Variants in EPC1 observed in about 807,000 individuals in gnomAD.
EPC1 encodes enhancer of polycomb 1, also known as enhancer of polycomb homolog 1.
EPC1 carries 12 observed loss-of-function variants against 98.4 expected under a neutral mutation model. The ratio of observed to expected loss-of-function variants is 0.12; its 90% confidence interval spans 0.08 to 0.20. EPC1 has a LOEUF of 0.20. Ranked by LOEUF, EPC1 falls within the 10% of genes least tolerant of loss-of-function variation. EPC1 has a pLI of 1.00. For missense variants in EPC1, 729 were observed against 990.5 expected (o/e 0.74, Z 3.54); for synonymous variants, 357 against 363.9 (o/e 0.98, Z 0.21).
chr10:32,306,335 A>T (rs1051920078), intron 1 of EPC1, among the ~76,000 whole-genome samples: 2 of 152,264 alleles, frequency 1.3e-5, no homozygotes, highest in East Asian at 3.8e-4. Context: ...GTAATACTTC[A>T]TAAATTTAGA....
chr10:32,355,569 GACAAAA>G (rs1265586330), intron 1 of EPC1, among the ~76,000 whole-genome samples: 1 of 140,080 alleles, frequency 7.1e-6, no homozygotes, highest in Non-Finnish European at 1.5e-5. Flanking sequence ...ATGGTAGAAA[GACAAAA>G]ACAAAGAACA....
intron 2 of EPC1, among the ~76,000 whole-genome samples, chr10:32,299,179 CTTT>C (rs899069798): frequency 1.3e-5 from 2 of 151,890 alleles, no homozygotes; most frequent in Non-Finnish European, 2.9e-5. Context: ...TTCATAATGG[CTTT>C]TTTGTTTTGT....
In EPC1 at chr10:32,282,956, A is replaced by G; in HGVS notation, c.1744+1742T>C. On this transcript the variant is annotated intron_variant, in intron 10 of 13. Coordinates refer to ENST00000319778, the MANE Select transcript of EPC1 (RefSeq NM_001272004.3). ...CTTTATTGAAAAGTTCTTTATTTTGATTCTTAAGACTATAAAAGTAGAGAG... is the reference window on the plus strand; with the variant it reads ...CTTTATTGAAAAGTTCTTTATTTTGGTTCTTAAGACTATAAAAGTAGAGAG... 2 of 152,162 alleles carry G rather than the reference A, an allele frequency of 1.3e-5. 1 individual carries two copies. Among genetic ancestry groups the G allele is most frequent in the Non-Finnish European group, 2.9e-5 (2 of 68,030 alleles). The allele number at this position is 152,162 out of a possible 1,614,324, so 9.4% of individuals were successfully genotyped here.
At chr10:32,273,424 C>A in intron 10 of EPC1, 143 bp from the exon 11 acceptor site, 2 of 1,068,788 alleles carry the variant, frequency 1.9e-6, no homozygotes, top group Non-Finnish European at 2.5e-6. Flanking sequence ...AGATCACTTC[C>A]AAATGAAAAT....
At chr10:32,351,666 G>GA (rs955356806), upstream of EPC1, among the ~76,000 whole-genome samples, 8 of 150,694 alleles carry the variant, frequency 5.3e-5, no homozygotes, top group African/African-American at 1.2e-4. Flanking sequence ...CTTAAAAAAA[G>GA]AAAAAAAATC....
At chr10:32,334,825 C>T (rs1837857909) in intron 1 of EPC1, among the ~76,000 whole-genome samples, 1 of 152,130 alleles carries the variant, frequency 6.6e-6, no homozygotes, top group African/African-American at 2.4e-5. Flanking sequence ...CAGCATCTCC[C>T]AATAACTGAC....
chr10:32,288,948 G>T (rs892945308), intron 6 of EPC1, among the ~76,000 whole-genome samples: 14 of 151,988 alleles, frequency 9.2e-5, no homozygotes, highest in African/African-American at 3.4e-4. Flanking sequence ...AATTAGCCAG[G>T]CGTGGTGGCA....
chr10:32,362,760 C>CT (rs2133105315), intron 1 of EPC1, among the ~76,000 whole-genome samples: 1 of 152,320 alleles, frequency 6.6e-6, no homozygotes, highest in South Asian at 2.1e-4. Context: ...GTAGATAAGG[C>CT]ACCAAACTAA....
In EPC1 at chr10:32,373,573, C is replaced by T. The variant is rs140318952; in HGVS notation, c.3+4918G>A. 9.3e-3 allele frequency among the ~76,000 whole-genome samples: 1,415 copies of T among 152,268 alleles called. 19 individuals are homozygous for T. The highest frequency in any genetic ancestry group is 0.032 in the African/African-American group (1,345 of 41,530). The stretch of plus-strand genomic sequence containing the variant: ...TCAGTGACTGGTTTAGGTATAAGCA[C>T]GTCCTACAAACCTGGCCAATGAGCT... On this transcript the variant is annotated intron_variant, in intron 1 of 13. Coordinates refer to the EPC1 transcript ENST00000375110.
At position 32,305,781 on chromosome 10, in the gene EPC1, G is replaced by T. The variant is rs1427547213; in HGVS notation, c.304C>A (p.His102Asn). 6.2e-7 allele frequency: 1 copy of T among 1,600,118 alleles called. No homozygotes were observed. The change falls in exon 2 of 14, where the codon CAC (histidine) becomes AAC (asparagine). Residue 102 changes from histidine (H) to asparagine (N), a missense_variant. Physicochemically the swap from His to Asn is moderately conservative, Grantham distance 68. Around this residue, in one of 6 missense-constraint regions of EPC1, gnomAD observed 94 missense variants for 125.1 expected, o/e 0.75. Coordinates refer to ENST00000319778, the MANE Select transcript of EPC1 (RefSeq NM_001272004.3). ...GAGAATCATTACTTACGCTGTATGT[G>T]AATGAGCTGCTTTGGCATCTTAAAT... is the stretch of plus-strand genomic sequence containing the variant. ...GEFKMPKQLI[H>N]IQPFSLDAEQ... is the part of the protein sequence containing the mutation.
At chr10:32,364,337 T>C (rs1466123071) in intron 1 of EPC1, among the ~76,000 whole-genome samples, 1 of 152,144 alleles carries the variant, frequency 6.6e-6, no homozygotes, top group African/African-American at 2.4e-5. Context: ...CCCAGCCCCA[T>C]CATGTTGGTT....
chr10:32,330,254 T>C (rs1417058683), intron 1 of EPC1, among the ~76,000 whole-genome samples: 1 of 152,182 alleles, frequency 6.6e-6, no homozygotes. Context: ...GAGATGGCAA[T>C]ACCTTGAATT....
intron 5 of EPC1, chr10:32,292,252 CA>C: frequency 2.5e-5 from 6 of 243,808 alleles, no homozygotes; most frequent in East Asian, 1.9e-4. Context: ...ACTCAAGGAC[CA>C]AAAAAGACCA....
intron 6 of EPC1, 141 bp downstream of exon 6, chr10:32,291,022 C>T: frequency 1.5e-6 from 1 of 680,428 alleles, no homozygotes; most frequent in Non-Finnish European, 2.4e-6. Flanking sequence ...GGTGATCTAC[C>T]CACCTCCGTG....
At chr10:32,272,826 G>C (rs886478337) in intron 11 of EPC1, among the ~76,000 whole-genome samples, 2 of 152,146 alleles carry the variant, frequency 1.3e-5, no homozygotes, top group African/African-American at 4.8e-5. Flanking sequence ...GGTTATTTTT[G>C]CATAATGTTA....
intron 1 of EPC1, among the ~76,000 whole-genome samples, chr10:32,368,243 C>T (rs2490521): frequency 0.54 from 81,354 of 152,034 alleles, 23,714 homozygotes; most frequent in East Asian, 0.69. Context: ...TGGGCAATGC[C>T]TGATTTCTAG....
At chr10:32,276,513 AAAATAAATACAT>A (rs1472236904) in intron 10 of EPC1, among the ~76,000 whole-genome samples, 1 of 152,258 alleles carries the variant, frequency 6.6e-6, no homozygotes, top group Non-Finnish European at 1.5e-5. Flanking sequence ...CTTCATCTTA[AAAATAAATACAT>A]AAATAAATAA....
intron 1 of EPC1, among the ~76,000 whole-genome samples, chr10:32,334,016 GCAAA>G (rs757974258): frequency 7.4e-4 from 113 of 152,334 alleles, no homozygotes; most frequent in Non-Finnish European, 1.4e-3. Context: ...CTAGTCAGTT[GCAAA>G]CAAACATGTA....
At chr10:32,338,706 C>T (rs1838131519) in intron 1 of EPC1, among the ~76,000 whole-genome samples, 1 of 152,106 alleles carries the variant, frequency 6.6e-6, no homozygotes, top group Admixed American at 6.6e-5. Flanking sequence ...AAGTTTCAGG[C>T]CACATGTTTC....
Sources: allele counts gnomAD v4.1 joint callset (sites outside exome capture counted in the v4.1 genomes callset), GRCh38; gene constraint gnomAD v4.1.1; regional missense constraint gnomAD v4.1.1; transcripts MANE v1.5; gene names NCBI Gene and HGNC (gene_info 2026-07-23, HGNC 2026-07-21).